The following BCAR3 variants were observed in gnomAD, a reference collection of about 807,000 sequenced individuals.
BCAR3 encodes breast cancer anti-estrogen resistance protein 3.
A neutral mutation model predicts 80.1 loss-of-function variants in BCAR3; 37 were observed. That is an observed-to-expected ratio of 0.46 (90% CI 0.36 to 0.61). The LOEUF (loss-of-function observed/expected upper bound fraction) is 0.61. Among genes scored for constraint, BCAR3 ranks in the 20% least tolerant of loss-of-function variants. The pLI is 0.00. For missense variants in BCAR3, 978 were observed against 1,068.2 expected (o/e 0.92, Z 1.18); for synonymous variants, 389 against 418.9 (o/e 0.93, Z 0.87).
intron 2 of BCAR3, among the ~76,000 whole-genome samples, chr1:93,735,056 A>T (rs1233158008): frequency 6.6e-6 from 1 of 152,160 alleles, no homozygotes; most frequent in Non-Finnish European, 1.5e-5. Context: ...GATGGTGCCT[A>T]TCTTGCTCAC....
chr1:93,835,233 T>A (rs901436429), intron 2 of BCAR3, among the ~76,000 whole-genome samples: 2 of 152,174 alleles, frequency 1.3e-5, no homozygotes, highest in African/African-American at 4.8e-5. Flanking sequence ...GGGTCCTCCA[T>A]CATTAATGCC....
intron 2 of BCAR3, among the ~76,000 whole-genome samples, chr1:93,759,573 T>G (rs2100723771): frequency 6.6e-6 from 1 of 152,340 alleles, no homozygotes. Context: ...TTCTTCATTT[T>G]CATGCCAACT....
At chr1:93,846,688 A>G (rs1655204666) in intron 1 of BCAR3, 1 of 333,548 alleles carries the variant, frequency 3.0e-6, no homozygotes, top group Non-Finnish European at 5.9e-6. Context: ...GCATGCTCCC[A>G]GCGCTCCCAC....
intron 2 of BCAR3, among the ~76,000 whole-genome samples, chr1:93,711,254 G>GC (rs1314733749): frequency 1.3e-5 from 2 of 152,214 alleles, no homozygotes; most frequent in Non-Finnish European, 2.9e-5. Context: ...GATCTCTGGG[G>GC]CCATCGTGGG....
intron 3 of BCAR3, among the ~76,000 whole-genome samples, chr1:93,700,811 A>G (rs1649614584): frequency 1.3e-5 from 2 of 152,256 alleles, no homozygotes; most frequent in South Asian, 4.1e-4. Flanking sequence ...GAAACATTTC[A>G]TCAGTGGAGA....
Position 93,592,507 on chromosome 1 carries a change from A to T in BCAR3, c.358-114T>A. 1 of 1,350,008 alleles carries T rather than the reference A, an allele frequency of 7.4e-7. No individual in the cohort carries two copies. Among genetic ancestry groups the T allele is most frequent in the South Asian group, 1.4e-5 (1 of 69,126 alleles). 83.6% of individuals were successfully genotyped at this position (1,350,008 alleles called of 1,614,324 possible). ...ACCAGTTATGCTACAGCCTGCATTC[A>T]GGTAGGGGAGCCTGGATAATGATTA... is the stretch of plus-strand genomic sequence containing the variant. On this transcript the variant is annotated intron_variant, in intron 3 of 11. Coordinates refer to ENST00000260502, the MANE Select transcript of BCAR3 (RefSeq NM_003567.4). The surrounding 1 kb of genome is among the most constrained non-coding windows in gnomAD (Gnocchi z 4.8).
chr1:93,716,581 A>C (rs565044350), intron 2 of BCAR3, among the ~76,000 whole-genome samples: 1 of 152,214 alleles, frequency 6.6e-6, no homozygotes, highest in Non-Finnish European at 1.5e-5. Context: ...CTGCAAGATC[A>C]CTTGAGGGAG....
At chr1:93,720,726 T>C (rs912969466) in intron 2 of BCAR3, among the ~76,000 whole-genome samples, 4 of 152,048 alleles carry the variant, frequency 2.6e-5, no homozygotes, top group African/African-American at 9.7e-5. Context: ...AAACAAAAGG[T>C]AGAAAGGAGG....
chr1:93,804,520 C>T (rs932336273), intron 2 of BCAR3, among the ~76,000 whole-genome samples: 2 of 152,142 alleles, frequency 1.3e-5, no homozygotes, highest in African/African-American at 4.8e-5. Flanking sequence ...AATCTGATAA[C>T]CAAGATGGCT....
At chr1:93,782,789 A>T (rs573554404) in intron 2 of BCAR3, among the ~76,000 whole-genome samples, 1 of 152,328 alleles carries the variant, frequency 6.6e-6, no homozygotes, top group South Asian at 2.1e-4. Flanking sequence ...CACAAGCCTG[A>T]TGGATAGTAT....
At chr1:93,614,164 C>G in intron 3 of BCAR3, 1 of 1,316,470 alleles carries the variant, frequency 7.6e-7, no homozygotes, top group Non-Finnish European at 9.7e-7. Flanking sequence ...TGGTGTCCAG[C>G]CTGCCATGCA....
At chr1:93,652,321 A>C (rs996141263) in intron 2 of BCAR3, among the ~76,000 whole-genome samples, 3 of 152,242 alleles carry the variant, frequency 2.0e-5, no homozygotes, top group Non-Finnish European at 4.4e-5. Flanking sequence ...AATGCATTAC[A>C]AATCCAAAAG....
At chr1:93,815,850 C>T (rs568597298) in intron 2 of BCAR3, among the ~76,000 whole-genome samples, 2 of 152,326 alleles carry the variant, frequency 1.3e-5, no homozygotes, top group South Asian at 2.1e-4. Flanking sequence ...CCACACTTAT[C>T]TCACTGATTA....
chr1:93,764,916 G>A (rs1355855075), intron 2 of BCAR3, among the ~76,000 whole-genome samples: 1 of 152,150 alleles, frequency 6.6e-6, no homozygotes, highest in African/African-American at 2.4e-5. Flanking sequence ...CAGTCCTAGG[G>A]GAAGGTGTCC....
At chr1:93,712,815 G>C (rs1228106192) in intron 2 of BCAR3, among the ~76,000 whole-genome samples, 1 of 152,164 alleles carries the variant, frequency 6.6e-6, no homozygotes, top group Admixed American at 6.5e-5. Flanking sequence ...GTTAGAATCA[G>C]GATTAAACCT....
intron 8 of BCAR3, among the ~76,000 whole-genome samples, chr1:93,575,455 G>A (rs1474637193): frequency 6.6e-6 from 1 of 152,202 alleles, no homozygotes; most frequent in Non-Finnish European, 1.5e-5. Context: ...CCAGGGCCCT[G>A]GCTTTTCATG....
intron 2 of BCAR3, among the ~76,000 whole-genome samples, chr1:93,653,018 C>T (rs1336751523): frequency 6.6e-6 from 1 of 152,152 alleles, no homozygotes; most frequent in Non-Finnish European, 1.5e-5. Flanking sequence ...CTTAAAAGGA[C>T]ACTTGATCTG....
rs565781684 is a variant in BCAR3 at position 93,631,272 on chromosome 1, A to G, written c.357+11032T>C. On this transcript the variant is annotated intron_variant, in intron 3 of 11. Transcript: ENST00000260502. ...GACACCAGTCAGTGGATTAGGGCCC[A>G]TCCTTGTCAAATATGACCTCATCTT... is the stretch of plus-strand genomic sequence containing the variant. Among the ~76,000 whole-genome samples the G allele has an allele frequency of 3.9e-5, 6 of 152,368 alleles. No individual in the cohort carries two copies. The South Asian group carries it at 6.2e-4, about 16-fold the overall frequency.
chr1:93,713,995 T>A (rs1650111626), intron 2 of BCAR3, among the ~76,000 whole-genome samples: 1 of 152,204 alleles, frequency 6.6e-6, no homozygotes. Flanking sequence ...TTCAACTGTT[T>A]TTTTTGAGAT....
Sources: gnomAD v4.1 joint callset for allele counts (sites outside exome capture counted in the v4.1 genomes callset) on GRCh38, gnomAD v4.1.1 for gene constraint, Gnocchi (gnomAD v3.1) non-coding constraint, MANE v1.5 for transcripts, NCBI Gene and HGNC (gene_info 2026-07-23, HGNC 2026-07-21) for gene names.